Variants in CTBP2 observed in about 807,000 individuals in gnomAD.
CTBP2 encodes C-terminal-binding protein 2.
A neutral mutation model predicts 80.3 loss-of-function variants in CTBP2; 30 were observed. The ratio of observed to expected loss-of-function variants is 0.37; its 90% CI spans 0.28 to 0.51. The LOEUF (loss-of-function observed/expected upper bound fraction) is 0.51, where lower values mean the gene tolerates loss of function less well. CTBP2 is among the 20% of genes least tolerant of loss of function. The pLI, the probability that CTBP2 is intolerant of heterozygous loss-of-function variation, is 0.93. For synonymous variants in CTBP2, 594 were observed against 587.4 expected, an observed-to-expected ratio of 1.01 and a Z score of -0.16; for missense variants, 1,212 against 1,375.3, an observed-to-expected ratio of 0.88 and a Z score of 1.88.
intron 8 of CTBP2, among the ~76,000 whole-genome samples, chr10:124,992,209 CT>C (rs61400691): frequency 0.013 from 1,319 of 102,490 alleles, 15 homozygotes; most frequent in African/African-American, 0.044. Flanking sequence ...TTGAGAAGCC[CT>C]TTTTTTTTTT....
At position 125,027,907 on chromosome 10, in the gene CTBP2, G is replaced by A; in HGVS notation, c.-148C>T. 3.5e-6 allele frequency: 5 copies of A among 1,425,922 alleles called. No homozygotes were observed. Among genetic ancestry groups the A allele is most frequent in the Non-Finnish European group, 4.6e-6 (5 of 1,094,692 alleles). The allele number at this position is 1,425,922 out of a possible 1,614,324, so 88.3% of individuals were successfully genotyped here. ...TGGGGGTTTTCTGTTTCAAAGCATG[G>A]CCTGAATTATTAATCCTCCGAAACC... On this transcript the variant is annotated 5_prime_UTR_variant, in exon 1 of 9. Coordinates refer to ENST00000309035, the MANE Select transcript of CTBP2 (RefSeq NM_022802.3).
Position 125,027,272 on chromosome 10 carries a change from T to A in CTBP2, c.488A>T (p.His163Leu). The change falls in exon 1 of 9, where the codon CAC becomes CTC. Residue 163 changes from histidine to leucine, a missense_variant. His to Leu is a moderately conservative substitution (Grantham distance 99). Coordinates refer to ENST00000309035, the MANE Select transcript of CTBP2 (RefSeq NM_022802.3). ...TTTACCTCCAGGATCCCGGTACAGG[T>A]GACCGGCGTCCTGCAGGGCAGGTGA... 6.2e-7 allele frequency: 1 copy of A among 1,613,660 alleles called. No individual in the cohort carries two copies. Among genetic ancestry groups the A allele is most frequent in the Non-Finnish European group, 8.5e-7 (1 of 1,179,976 alleles).
At chr10:125,019,462 G>A (rs1956839378) in intron 1 of CTBP2, among the ~76,000 whole-genome samples, 1 of 149,560 alleles carries the variant, frequency 6.7e-6, no homozygotes, top group Non-Finnish European at 1.5e-5. Flanking sequence ...AATATATGTT[G>A]GCTTTCTCAC....
intron 1 of CTBP2, among the ~76,000 whole-genome samples, chr10:125,119,724 T>C (rs1374296215): frequency 1.3e-5 from 2 of 152,256 alleles, no homozygotes; most frequent in East Asian, 3.8e-4. Context: ...TTTTACAATG[T>C]GTAACATAAC....
intron 1 of CTBP2, among the ~76,000 whole-genome samples, chr10:125,128,716 C>G: frequency 6.6e-6 from 1 of 152,350 alleles, no homozygotes. Flanking sequence ...CATACATGAT[C>G]AGTGGAAGCA....
At chr10:125,160,365 A>AGGCGGC (rs1408045144) in exon 1 of CTBP2, 2 of 152,126 alleles carry the variant, frequency 1.3e-5, no homozygotes, top group African/African-American at 2.5e-5. Context: ...CCCACCCTGG[A>AGGCGGC]GGCGGCGGCG....
Position 125,026,171 on chromosome 10 carries a change from C to A in CTBP2, c.1589G>T (p.Ser530Ile), listed in dbSNP as rs200667968. Residue 530 changes from serine (S) to isoleucine (I), a missense_variant, in exon 1 of 9, where the codon AGC (serine) becomes ATC (isoleucine). Physicochemically the swap from Ser to Ile is moderately radical, Grantham distance 142. Transcript: ENST00000309035. ...GTACGGTGAGTGAGGCGTGTGGAGG[C>A]TCTGGCTGGCCGGCGGCAGGGTGGA... 3.1e-6 allele frequency: 5 copies of A among 1,611,704 alleles called. No individual in the cohort carries two copies. The Admixed American group carries it at 6.7e-5, about 22-fold the overall frequency.
chr10:125,110,251 T>G (rs1852078745), intron 2 of CTBP2, among the ~76,000 whole-genome samples: 1 of 152,264 alleles, frequency 6.6e-6, no homozygotes, highest in Non-Finnish European at 1.5e-5. Flanking sequence ...GAAAACATTT[T>G]TTTTTAAAAA....
chr10:125,114,943 C>T (rs1393029971), intron 1 of CTBP2, among the ~76,000 whole-genome samples: 2 of 152,186 alleles, frequency 1.3e-5, no homozygotes, highest in Admixed American at 6.5e-5. Context: ...AGTGATATTT[C>T]TGCCATCTGA....
intron 1 of CTBP2, among the ~76,000 whole-genome samples, chr10:125,113,182 G>T (rs942878571): frequency 3.9e-5 from 6 of 152,152 alleles, no homozygotes; most frequent in African/African-American, 1.4e-4. Context: ...AGGAAGGGAG[G>T]GACAAGCATA....
intron 1 of CTBP2, among the ~76,000 whole-genome samples, chr10:125,146,757 C>A (rs1186236497): frequency 1.3e-5 from 2 of 152,164 alleles, no homozygotes; most frequent in Non-Finnish European, 1.5e-5. Context: ...ACAGGAAGCA[C>A]AGAGCAGTTA....
chr10:125,138,640 G>C (rs1489376303), intron 1 of CTBP2, among the ~76,000 whole-genome samples: 1 of 148,414 alleles, frequency 6.7e-6, no homozygotes, highest in Non-Finnish European at 1.5e-5. Context: ...CATAACCAAA[G>C]GGAAAATTTC....
At chr10:125,102,778 A>T (rs1335448239) in intron 2 of CTBP2, among the ~76,000 whole-genome samples, 1 of 152,240 alleles carries the variant, frequency 6.6e-6, no homozygotes, top group African/African-American at 2.4e-5. Flanking sequence ...AGCAGCAGCC[A>T]CCATGCTGGG....
intron 2 of CTBP2, among the ~76,000 whole-genome samples, chr10:125,076,144 A>G (rs1188119119): frequency 2.0e-5 from 3 of 151,772 alleles, no homozygotes; most frequent in Admixed American, 2.0e-4. Context: ...TTCTTTTCCC[A>G]AGCTCCAGAC....
intron 2 of CTBP2, among the ~76,000 whole-genome samples, chr10:125,064,626 A>G (rs1438890248): frequency 6.6e-6 from 1 of 152,356 alleles, no homozygotes; most frequent in Admixed American, 6.5e-5. Flanking sequence ...TCTGTTTTAG[A>G]ATCATGTTCT....
chr10:125,134,501 C>A (rs1338717345), intron 1 of CTBP2, among the ~76,000 whole-genome samples: 2 of 152,126 alleles, frequency 1.3e-5, no homozygotes, highest in Non-Finnish European at 2.9e-5. Context: ...GTTCTGAACC[C>A]CAGGTAGGGA....
chr10:125,060,313 G>A (rs2135332134), intron 2 of CTBP2, among the ~76,000 whole-genome samples: 1 of 152,328 alleles, frequency 6.6e-6, no homozygotes, highest in East Asian at 1.9e-4. Flanking sequence ...AATGATCATA[G>A]CATACTATTT....
At chr10:125,123,920 G>GA (rs1203003425) in intron 1 of CTBP2, among the ~76,000 whole-genome samples, 3 of 152,224 alleles carry the variant, frequency 2.0e-5, no homozygotes, top group African/African-American at 7.2e-5. Context: ...GACCAGCAGA[G>GA]AAAACCAGCC....
intron 2 of CTBP2, among the ~76,000 whole-genome samples, chr10:125,043,803 G>C (rs1019250270): frequency 1.3e-5 from 2 of 152,226 alleles, no homozygotes; most frequent in Non-Finnish European, 2.9e-5. Context: ...GGGATTTATA[G>C]AGTAAGTGCA....
Sources: gnomAD v4.1 joint callset for allele counts (sites outside exome capture counted in the v4.1 genomes callset) on GRCh38, gnomAD v4.1.1 for gene constraint, MANE v1.5 for transcripts, NCBI Gene and HGNC (gene_info 2026-07-23, HGNC 2026-07-21) for gene names.